Variants in NKAIN3 observed in about 807,000 individuals in gnomAD.
NKAIN3 encodes the protein sodium/potassium transporting ATPase interacting 3.
Under a neutral mutation model 30.2 loss-of-function variants are expected in NKAIN3, and 25 were observed. The observed-to-expected ratio is 0.83, with a 90% CI of 0.60 to 1.16. NKAIN3 has a LOEUF of 1.16. NKAIN3 is among the 50% of genes most tolerant of loss of function. The pLI is 0.00. For synonymous variants in NKAIN3, 91 were observed against 89.6 expected, an observed-to-expected ratio of 1.02 and a Z score of -0.09; for missense variants, 225 against 254.1, an observed-to-expected ratio of 0.89 and a Z score of 0.78.
At chr8:62,481,857 A>G (rs1173641480) in intron 1 of NKAIN3, among the ~76,000 whole-genome samples, 1 of 152,200 alleles carries the variant, frequency 6.6e-6, no homozygotes, top group Non-Finnish European at 1.5e-5. Flanking sequence ...ACTCCATTCA[A>G]TTGAAAATCT....
rs12056376 is a variant in NKAIN3 at position 62,968,571 on chromosome 8, T to C, written c.*3164T>C. Among the ~76,000 whole-genome samples, 17,757 of 152,198 alleles carry C rather than the reference T, an allele frequency of 0.12. 1,193 individuals carry two copies. Among genetic ancestry groups the C allele is most frequent in the East Asian group, 0.22 (1,128 of 5,164 alleles). On this transcript the variant is annotated 3_prime_UTR_variant, in exon 7 of 7. Transcript: ENST00000623646. The stretch of plus-strand genomic sequence containing the variant: ...AGAGATGGTGCAGCTCTAGATTCAA[T>C]AGCTCTCCTCAGAAGTGGCCCTGGC...
Position 62,751,814 on chromosome 8 carries a change from C to CTGTGTGTGTG in NKAIN3, c.471+4703_471+4712dup, listed in dbSNP as rs3032932. Reference sequence around the variant, plus strand: ...TTATACACAATGTTATACTAAAAAACTGTGTGTGTGTGTGTGTGTGTGTGT... The same window carrying CTGTGTGTGTG: ...TTATACACAATGTTATACTAAAAAACTGTGTGTGTGTGTGTGTGTGTGTGTGTGTGTGTGT... On this transcript the variant is annotated intron_variant, in intron 4 of 6. Coordinates refer to ENST00000623646, the MANE Select transcript of NKAIN3 (RefSeq NM_001304533.3). Among the ~76,000 whole-genome samples the CTGTGTGTGTG allele has an allele frequency of 8.7e-3, 1,276 of 146,658 alleles. 13 individuals are homozygous for CTGTGTGTGTG. Among genetic ancestry groups the CTGTGTGTGTG allele is most frequent in the African/African-American group, 0.021 (821 of 39,846 alleles).
chr8:62,639,603 G>A (rs1812242914), intron 3 of NKAIN3, among the ~76,000 whole-genome samples: 1 of 152,116 alleles, frequency 6.6e-6, no homozygotes, highest in South Asian at 2.1e-4. Context: ...ATTGCAAGTC[G>A]AGGTTGTTGT....
chr8:62,964,539 T>A (rs13273917), intron 6 of NKAIN3, among the ~76,000 whole-genome samples: 5,968 of 32,258 alleles, frequency 0.19, 198 homozygotes, highest in African/African-American at 0.34. Context: ...AGAGAGAGAG[T>A]GTGTGTGTGT....
intron 1 of NKAIN3, among the ~76,000 whole-genome samples, chr8:62,298,211 T>A (rs1296626336): frequency 1.3e-5 from 2 of 150,386 alleles, no homozygotes; most frequent in Admixed American, 6.6e-5. Flanking sequence ...TTAGGAGATA[T>A]ATCTAATGCT....
intron 3 of NKAIN3, among the ~76,000 whole-genome samples, chr8:62,636,616 T>C (rs1812138648): frequency 6.6e-6 from 1 of 152,192 alleles, no homozygotes; most frequent in South Asian, 2.1e-4. Flanking sequence ...AGAATAATCT[T>C]GTGTTTGTGT....
intron 1 of NKAIN3, among the ~76,000 whole-genome samples, chr8:62,576,548 AT>A (rs1300624364): frequency 1.3e-5 from 2 of 152,082 alleles, no homozygotes; most frequent in Non-Finnish European, 1.5e-5. Flanking sequence ...GCTTTTCTGA[AT>A]CACAACCACT....
At chr8:62,462,058 A>G (rs985583385) in intron 1 of NKAIN3, among the ~76,000 whole-genome samples, 10 of 151,984 alleles carry the variant, frequency 6.6e-5, no homozygotes, top group African/African-American at 2.4e-4. Context: ...GCAAAGACCA[A>G]GAGAGAATTT....
At chr8:62,944,864 T>C (rs1258799321) in intron 5 of NKAIN3, among the ~76,000 whole-genome samples, 1 of 152,202 alleles carries the variant, frequency 6.6e-6, no homozygotes, top group Non-Finnish European at 1.5e-5. Context: ...TGGATGAATA[T>C]TAGTTATTGC....
chr8:62,671,296 T>C (rs1250673446), intron 3 of NKAIN3, among the ~76,000 whole-genome samples: 1 of 152,148 alleles, frequency 6.6e-6, no homozygotes, highest in Non-Finnish European at 1.5e-5. Context: ...AAGAACATTC[T>C]GTTATATCCT....
At chr8:62,735,345 C>CCTTT (rs1222540572) in intron 3 of NKAIN3, among the ~76,000 whole-genome samples, 66 of 115,684 alleles carry the variant, frequency 5.7e-4, no homozygotes, top group Middle Eastern at 8.4e-3. Context: ...AATTCAAAAA[C>CCTTT]CTTTCTTTCT....
chr8:62,711,669 C>T (rs1245074298), intron 3 of NKAIN3, among the ~76,000 whole-genome samples: 1 of 152,096 alleles, frequency 6.6e-6, no homozygotes, highest in African/African-American at 2.4e-5. Context: ...GATTTCCTTG[C>T]ATTGGACTTC....
rs74766064 is a variant in NKAIN3 at position 62,971,074 on chromosome 8, C to T, written c.*5667C>T. On this transcript the variant is annotated 3_prime_UTR_variant, in exon 7 of 7. Transcript: ENST00000623646. ...TAGAGACAAGGACCGAGACTCCTCT[C>T]ATTGCTTCATCCTCTGTGGCCGCCA... Among the ~76,000 whole-genome samples the T allele has an allele frequency of 7.4e-4, 112 of 151,964 alleles. No individual in the cohort carries two copies. Among genetic ancestry groups the T allele is most frequent in the East Asian group, 1.7e-3 (9 of 5,152 alleles).
chr8:62,933,225 T>C (rs1275902918), intron 5 of NKAIN3, among the ~76,000 whole-genome samples: 1 of 152,152 alleles, frequency 6.6e-6, no homozygotes, highest in African/African-American at 2.4e-5. Context: ...AAATGGCATT[T>C]TCATGGAGAT....
At chr8:62,500,472 AG>A (rs1310801089) in intron 1 of NKAIN3, among the ~76,000 whole-genome samples, 1 of 126,030 alleles carries the variant, frequency 7.9e-6, no homozygotes, top group African/African-American at 3.4e-5. Flanking sequence ...AAAGAAAGAA[AG>A]AAAGAAAGAA....
chr8:62,662,577 T>C (rs575583109), intron 3 of NKAIN3, among the ~76,000 whole-genome samples: 1 of 152,338 alleles, frequency 6.6e-6, no homozygotes, highest in East Asian at 1.9e-4. Flanking sequence ...TGAATCATTC[T>C]TCCAACAAGT....
intron 1 of NKAIN3, among the ~76,000 whole-genome samples, chr8:62,560,915 T>C (rs536351271): frequency 1.4e-3 from 210 of 152,296 alleles, no homozygotes; most frequent in African/African-American, 4.5e-3. Context: ...TTTCAAGTTC[T>C]ACAATTTTTT....
intron 1 of NKAIN3, among the ~76,000 whole-genome samples, chr8:62,347,163 T>A (rs1039793151): frequency 6.6e-6 from 1 of 152,132 alleles, no homozygotes; most frequent in African/African-American, 2.4e-5. Context: ...AAGTTCAGTT[T>A]ACTAAAAGCA....
chr8:62,581,991 T>C (rs1170403767), intron 2 of NKAIN3, among the ~76,000 whole-genome samples: 1 of 131,562 alleles, frequency 7.6e-6, no homozygotes, highest in Admixed American at 7.4e-5. Context: ...CTCCCTTCCT[T>C]CTTTCCTTCC....
Sources: gnomAD v4.1 joint callset for allele counts (sites outside exome capture counted in the v4.1 genomes callset) on GRCh38, gnomAD v4.1.1 for gene constraint, MANE v1.5 for transcripts, NCBI Gene and HGNC (gene_info 2026-07-23, HGNC 2026-07-21) for gene names.